Variants in CBL observed in about 807,000 individuals in gnomAD.
CBL encodes the protein E3 ubiquitin-protein ligase CBL.
CBL carries 45 observed loss-of-function variants against 96.9 expected under a neutral mutation model. The observed-to-expected ratio is 0.46, with a 90% CI of 0.37 to 0.60. CBL has a LOEUF of 0.60. Among genes scored for constraint, CBL ranks in the 20% least tolerant of loss-of-function variants. The probability of loss-of-function intolerance (pLI) is 0.00; values close to 1 mark genes in which losing one functional copy is unlikely to be tolerated. For missense variants in CBL, 1,024 were observed against 1,143.5 expected, an observed-to-expected ratio of 0.90 and a Z score of 1.51; for synonymous variants, 420 against 426.8, an observed-to-expected ratio of 0.98 and a Z score of 0.20.
In CBL at chr11:119,302,382, C is replaced by T. The variant is rs1591272607; in HGVS notation, c.*2601C>T. On this transcript the variant is annotated 3_prime_UTR_variant, in exon 16 of 16. Transcript: ENST00000264033. ...CTTATATTTTCTGTTGACTAAGGCA[C>T]CAGTAACCCATTCTTCACCCTCCAT... The T allele has an allele frequency of 4.3e-6, 1 of 232,792 alleles. No homozygotes were observed. Among genetic ancestry groups the T allele is most frequent in the African/African-American group, 2.2e-5 (1 of 45,326 alleles). The allele number at this position is 232,792 out of a possible 1,614,324, so 14.4% of individuals were successfully genotyped here. A position where few individuals can be genotyped will look rare whatever the true frequency, so the allele number is the denominator to read the frequency against.
intron 1 of CBL, among the ~76,000 whole-genome samples, chr11:119,227,250 A>G (rs986450759): frequency 6.6e-6 from 1 of 152,218 alleles, no homozygotes; most frequent in Admixed American, 6.5e-5. Context: ...CTACTGTGTT[A>G]TGAACATGTT....
Position 119,278,180 on chromosome 11 carries a change from A to T in CBL, c.1110A>T (p.Leu370Phe). The T allele has an allele frequency of 6.2e-7, 1 of 1,602,294 alleles. No homozygotes were observed. The highest frequency in any genetic ancestry group is 8.6e-7 in the Non-Finnish European group (1 of 1,169,210). The change falls in exon 8 of 16, where the codon TTA becomes TTT. Residue 370 changes from leucine (L) to phenylalanine (F), a missense_variant. Transcript: ENST00000264033. ...HIKVTQEQYE[L>F]YCEMGSTFQL... The stretch of plus-strand genomic sequence containing the variant: ...TTTAATCAAAGGAACAATATGAATT[A>T]TACTGTGAGATGGGCTCCACATTCC...
At chr11:119,272,246 T>C (rs542072584) in intron 3 of CBL, among the ~76,000 whole-genome samples, 286 of 152,234 alleles carry the variant, frequency 1.9e-3, no homozygotes, top group African/African-American at 6.8e-3. Context: ...CTCAGCCTCC[T>C]GAGTCGCTGG....
intron 2 of CBL, among the ~76,000 whole-genome samples, chr11:119,245,421 A>T (rs939479692): frequency 1.3e-5 from 2 of 152,162 alleles, no homozygotes; most frequent in African/African-American, 4.8e-5. Flanking sequence ...TAAGCCTATT[A>T]CATGTTAACA....
intron 2 of CBL, among the ~76,000 whole-genome samples, chr11:119,260,996 T>G (rs569530543): frequency 8.0e-5 from 11 of 138,038 alleles, no homozygotes; most frequent in African/African-American, 3.0e-4. Context: ...CACTACAACC[T>G]CTGCTTCCCA....
At chr11:119,260,276 A>T (rs1428381698) in intron 2 of CBL, among the ~76,000 whole-genome samples, 1 of 141,504 alleles carries the variant, frequency 7.1e-6, no homozygotes, top group Admixed American at 7.4e-5. Context: ...ATGGAGTGTC[A>T]CTCTGTCGTT....
In CBL at chr11:119,278,299, T is replaced by C. The variant is rs2135303926; in HGVS notation, c.1227+2T>C. The C allele has an allele frequency of 6.2e-7, 1 of 1,613,970 alleles. No individual in the cohort carries two copies. The highest frequency in any genetic ancestry group is 8.5e-7 in the Non-Finnish European group (1 of 1,179,976). ...ACATCCTGTCTTACATCCTGGCAGG[T>C]ACGGATCTAAACAGCGACTTTTTTC... On this transcript the variant is annotated splice_donor_variant, in intron 8 of 15. Coordinates refer to ENST00000264033, the MANE Select transcript of CBL (RefSeq NM_005188.4). LOFTEE classifies it high-confidence loss of function.
intron 14 of CBL, among the ~76,000 whole-genome samples, 153 bp downstream of exon 14, chr11:119,297,634 T>G (rs1212138662): frequency 6.6e-6 from 1 of 152,220 alleles, no homozygotes; most frequent in Non-Finnish European, 1.5e-5. Context: ...ATTTTTGTAT[T>G]TTTAGTAGAG....
rs954982686 is a variant in CBL, at chr11:119,303,104, C to G, written c.*3323C>G. ...TGTGTTTATGGTCCCAAACAGTCAA[C>G]TCACAAATTTTTATAACAAAATTTC... On this transcript the variant is annotated 3_prime_UTR_variant, in exon 16 of 16. Coordinates refer to ENST00000264033, the MANE Select transcript of CBL (RefSeq NM_005188.4). 4.3e-6 allele frequency: 1 copy of G among 231,740 alleles called. No individual in the cohort carries two copies. Among genetic ancestry groups the G allele is most frequent in the Non-Finnish European group, 8.6e-6 (1 of 116,934 alleles). 14.4% of individuals were successfully genotyped at this position (231,740 alleles called of 1,614,324 possible).
rs398017760 is a variant in CBL, at chr11:119,283,625, C to CTTTTTTTTTTT, written c.1432-1324_1432-1314dup. Among the ~76,000 whole-genome samples, 24 of 45,522 alleles carry CTTTTTTTTTTT rather than the reference C, an allele frequency of 5.3e-4. 3 individuals are homozygous for CTTTTTTTTTTT. The highest frequency in any genetic ancestry group is 1.4e-3 in the East Asian group (2 of 1,470). The allele number at this position is 45,522 out of a possible 152,430, so 29.9% of individuals were successfully genotyped here. ...AAATATTAATCCTTTTTAATTCTTT[C>CTTTTTTTTTTT]TTTTTTTTTTTTTTTTTTTTTTTTT... is the stretch of plus-strand genomic sequence containing the variant. On this transcript the variant is annotated intron_variant, in intron 9 of 15. Transcript: ENST00000264033.
At position 119,307,982 on chromosome 11, in the gene CBL, A is replaced by T. The variant is rs1950162811; in HGVS notation, c.*8201A>T. The T allele has an allele frequency of 5.2e-6, 1 of 193,464 alleles. No individual in the cohort carries two copies. Among genetic ancestry groups the T allele is most frequent in the Non-Finnish European group, 1.1e-5 (1 of 92,446 alleles). The allele number at this position is 193,464 out of a possible 1,614,324, so 12.0% of individuals were successfully genotyped here. ...GAGCTTTAAGATTCATTTTCATTTT[A>T]AGTCCATTTTATTTTGCCAGTGTAT... is the stretch of plus-strand genomic sequence containing the variant. On this transcript the variant is annotated 3_prime_UTR_variant, in exon 16 of 16. Coordinates refer to ENST00000264033, the MANE Select transcript of CBL (RefSeq NM_005188.4).
intron 2 of CBL, among the ~76,000 whole-genome samples, chr11:119,236,182 C>A (rs1044407679): frequency 6.6e-6 from 1 of 152,132 alleles, no homozygotes; most frequent in Non-Finnish European, 1.5e-5. Flanking sequence ...TTTTCACCCC[C>A]CAACAGGAAA....
intron 2 of CBL, among the ~76,000 whole-genome samples, chr11:119,263,262 T>G (rs1417119452): frequency 1.3e-5 from 2 of 152,206 alleles, no homozygotes; most frequent in African/African-American, 4.8e-5. Flanking sequence ...TGCTTTCATG[T>G]ATCAGGTCAG....
intron 1 of CBL, among the ~76,000 whole-genome samples, chr11:119,207,309 CA>C (rs1463198111): frequency 6.6e-6 from 1 of 152,192 alleles, no homozygotes; most frequent in African/African-American, 2.4e-5. Flanking sequence ...GATTAAACCA[CA>C]AGTTCTGGTT....
At chr11:119,263,108 T>C (rs988188285) in intron 2 of CBL, among the ~76,000 whole-genome samples, 1 of 152,352 alleles carries the variant, frequency 6.6e-6, no homozygotes, top group African/African-American at 2.4e-5. Flanking sequence ...AGTAAACTCT[T>C]AGTGTTAACT....
intron 2 of CBL, among the ~76,000 whole-genome samples, chr11:119,268,728 G>A (rs1285788996): frequency 6.6e-6 from 1 of 152,156 alleles, no homozygotes; most frequent in Non-Finnish European, 1.5e-5. Context: ...GGGGAGAAAA[G>A]CCAAGAAAGA....
intron 2 of CBL, among the ~76,000 whole-genome samples, chr11:119,253,802 A>G (rs528538404): frequency 6.6e-6 from 1 of 150,616 alleles, no homozygotes; most frequent in African/African-American, 2.4e-5. Flanking sequence ...ATGCCACTGG[A>G]GTCTAGCCTG....
intron 15 of CBL, 53 bp from the exon 16 acceptor site, chr11:119,299,441 GT>G (rs1950084585): frequency 2.0e-6 from 3 of 1,509,984 alleles, no homozygotes; most frequent in Non-Finnish European, 2.8e-6. Context: ...TATTGCTGTT[GT>G]TAAATGAGGA....
intron 2 of CBL, among the ~76,000 whole-genome samples, chr11:119,254,917 G>T (rs577628002): frequency 4.6e-5 from 7 of 152,146 alleles, no homozygotes; most frequent in Admixed American, 2.6e-4. Context: ...TATTTTTTGA[G>T]AACTTGTTCT....
Sources: gnomAD v4.1 joint callset for allele counts (sites outside exome capture counted in the v4.1 genomes callset) on GRCh38, gnomAD v4.1.1 for gene constraint, MANE v1.5 for transcripts, NCBI Gene and HGNC (gene_info 2026-07-23, HGNC 2026-07-21) for gene names.